The following MROH2A variants were observed in gnomAD, a reference collection of about 807,000 sequenced individuals.
MROH2A encodes maestro heat-like repeat-containing protein family member 2A.
In MROH2A, 174 loss-of-function variants were observed where a neutral mutation model predicts 200.4. That is an observed-to-expected ratio of 0.87 (90% CI 0.77 to 0.98). The LOEUF is 0.98. MROH2A is among the 50% of genes least tolerant of loss of function. The pLI, the probability that MROH2A is intolerant of heterozygous loss-of-function variation, is 0.00. For synonymous variants in MROH2A, 829 were observed against 840.4 expected (o/e 0.99, Z 0.23); for missense variants, 2,045 against 2,139.6 (o/e 0.96, Z 0.87).
Position 233,796,232 on chromosome 2 carries a change from T to C in MROH2A, c.1171T>C (p.Phe391Leu), listed in dbSNP as rs1303056684. Residue 391 changes from phenylalanine (F) to leucine (L), a missense_variant, in exon 11 of 42, where the codon TTC (phenylalanine) becomes CTC (leucine). Around this residue, in one of 3 missense-constraint regions of MROH2A, gnomAD observed 831 missense variants for 800.0 expected, o/e 1.04. Transcript: ENST00000389758. Reference protein sequence around the residue: ...RSYPKELMKFFFSQMETNKEA... With the variant: ...RSYPKELMKFLFSQMETNKEA... Reference sequence around the variant, plus strand: ...CTACCCCAAGGAGCTGATGAAGTTCTTCTTCAGCCAGATGGAGACAAACAA... The same window carrying C: ...CTACCCCAAGGAGCTGATGAAGTTCCTCTTCAGCCAGATGGAGACAAACAA... The C allele has an allele frequency of 6.5e-7, 1 of 1,549,440 alleles. No homozygotes were observed. The highest frequency in any genetic ancestry group is 2.0e-5 in the Admixed American group (1 of 50,958).
intron 3 of MROH2A, among the ~76,000 whole-genome samples, chr2:233,787,794 A>C (rs373853114): frequency 4.7e-4 from 2 of 4,262 alleles, no homozygotes; most frequent in South Asian, 8.2e-3. Flanking sequence ...TATCATATAT[A>C]ATATATATTA....
intron 27 of MROH2A, 126 bp from the exon 28 acceptor site, chr2:233,817,876 C>A: frequency 8.5e-7 from 1 of 1,177,948 alleles, no homozygotes; most frequent in Admixed American, 2.3e-5. Flanking sequence ...GGCACCCTCC[C>A]CTTCCCCAAA....
rs930294605 is a variant in MROH2A, at chr2:233,816,916, G to C, written c.2961+31G>C. 1.5e-5 allele frequency: 20 copies of C among 1,346,302 alleles called. No individual in the cohort carries two copies. In the African/African-American group the frequency reaches 2.8e-4, roughly 19 times the overall value. The allele number at this position is 1,346,302 out of a possible 1,614,324, so 83.4% of individuals were successfully genotyped here. On this transcript the variant is annotated intron_variant, in intron 27 of 41. Coordinates refer to ENST00000389758, the MANE Select transcript of MROH2A (RefSeq NM_001394639.1). Reference sequence around the variant, plus strand: ...TCCAGGAGTCCCCAGCCCCCAGCCTGCTGCTCTGACATGCACAGAAAAATT... The same window carrying C: ...TCCAGGAGTCCCCAGCCCCCAGCCTCCTGCTCTGACATGCACAGAAAAATT...
At chr2:233,779,237 A>C (rs1700812183) in intron 1 of MROH2A, 108 bp from the exon 2 acceptor site, 2 of 683,836 alleles carry the variant, frequency 2.9e-6, no homozygotes, top group Non-Finnish European at 2.6e-6. Flanking sequence ...CACAGGTTCC[A>C]CCCACACACC....
chr2:233,830,040 T>TATAGCCCTCCTCTGCCC (rs1704617284), intron 38 of MROH2A, among the ~76,000 whole-genome samples: 1 of 152,156 alleles, frequency 6.6e-6, no homozygotes, highest in East Asian at 1.9e-4. Flanking sequence ...GGTGGCTGCC[T>TATAGCCCTCCTCTGCCC]ATAGCCCTCC....
Position 233,787,406 on chromosome 2 carries a change from AAC to A in MROH2A, c.277-2067_277-2066del, listed in dbSNP as rs149271880. ...TTCATTATAAAGCATGGATATGTATAACACACACACACACACACACACACATA... is the reference window on the plus strand; with the variant it reads ...TTCATTATAAAGCATGGATATGTATAACACACACACACACACACACACATA... On this transcript the variant is annotated intron_variant, in intron 3 of 41. Coordinates refer to ENST00000389758, the MANE Select transcript of MROH2A (RefSeq NM_001394639.1). Among the ~76,000 whole-genome samples, 430 of 127,146 alleles carry A rather than the reference AAC, an allele frequency of 3.4e-3. 5 individuals are homozygous for A. Among genetic ancestry groups the A allele is most frequent in the African/African-American group, 9.3e-3 (316 of 33,860 alleles). The allele number at this position is 127,146 out of a possible 152,430, so 83.4% of individuals were successfully genotyped here. A position where few individuals can be genotyped will look rare whatever the true frequency, so the allele number is the denominator to read the frequency against.
intron 27 of MROH2A, among the ~76,000 whole-genome samples, chr2:233,817,795 C>A (rs1029926021): frequency 8.5e-5 from 13 of 152,198 alleles, no homozygotes; most frequent in South Asian, 4.1e-4. Flanking sequence ...GCCCACAGAT[C>A]CAGGCTGCTC....
At chr2:233,818,622 T>C (rs1488990232) in intron 28 of MROH2A, 30 bp from the exon 29 acceptor site, 2 of 1,420,936 alleles carry the variant, frequency 1.4e-6, no homozygotes, top group African/African-American at 2.9e-5. Flanking sequence ...TTGTCCCTGC[T>C]GGTCATTTCT....
In MROH2A at chr2:233,804,101, C is replaced by G. The variant is rs898705533; in HGVS notation, c.1800C>G (p.Leu600=). Residue 600 remains leucine, a synonymous_variant, in exon 17 of 42, where the codon CTC becomes CTG. Transcript: ENST00000389758. ...YKGEGRGIAM[L]NLLRTLSQSI... is the part of the protein sequence containing the mutation. The stretch of plus-strand genomic sequence containing the variant: ...GGGAGGGTCGTGGGATAGCCATGCT[C>G]AACCTCTTGAGGACCCTGAGCCAGA... The G allele has an allele frequency of 6.4e-7, 1 of 1,550,564 alleles. No homozygotes were observed. The highest frequency in any genetic ancestry group is 2.0e-5 in the Admixed American group (1 of 51,008).
At chr2:233,785,324 A>G (rs890580218) in intron 3 of MROH2A, among the ~76,000 whole-genome samples, 5 of 151,936 alleles carry the variant, frequency 3.3e-5, no homozygotes, top group Non-Finnish European at 5.9e-5. Flanking sequence ...TTAATTGGGT[A>G]TGGTGGCACC....
chr2:233,817,972 GT>G (rs1475306741), intron 27 of MROH2A, 29 bp from the exon 28 acceptor site: 3 of 1,550,420 alleles, frequency 1.9e-6, no homozygotes, highest in South Asian at 2.4e-5. Flanking sequence ...GAGCACAGAG[GT>G]GTGAGCCCCA....
intron 31 of MROH2A, 123 bp from the exon 32 acceptor site, chr2:233,822,001 C>T: frequency 8.1e-7 from 1 of 1,240,438 alleles, no homozygotes; most frequent in Non-Finnish European, 1.1e-6. Context: ...CCTCCGCCTC[C>T]CTGAGATTCA....
In MROH2A at chr2:233,794,431, G is replaced by A; in HGVS notation, c.891G>A (p.Arg297=). The change falls in exon 8 of 42, where the codon CGG becomes CGA. Residue 297 remains arginine, a synonymous_variant. Transcript: ENST00000389758. The stretch of plus-strand genomic sequence containing the variant: ...TCCTTCTGCCCAACGATGACCTGCG[G>A]GAGCAGGTCTACGACTACATCCCCC... ...LGLLLPNDDL[R]EQVYDYIPLL... 6.4e-7 allele frequency: 1 copy of A among 1,550,502 alleles called. No homozygotes were observed. Among genetic ancestry groups the A allele is most frequent in the South Asian group, 1.2e-5 (1 of 84,058 alleles).
chr2:233,832,599 T>A lies in MROH2A; in HGVS notation c.4858T>A (p.Ser1620Thr). 6.5e-7 allele frequency: 1 copy of A among 1,549,740 alleles called. No homozygotes were observed. The highest frequency in any genetic ancestry group is 8.7e-7 in the Non-Finnish European group (1 of 1,146,212). Reference sequence around the variant, plus strand: ...TTTAGGAATTATTATGAAGCAGATGTCTACACATTATCTGAAAAAGCTGGA... The same window carrying A: ...TTTAGGAATTATTATGAAGCAGATGACTACACATTATCTGAAAAAGCTGGA... The part of the protein sequence containing the change: ...NLAGIIMKQM[S>T]THYLKKLDFP... The change falls in exon 41 of 42, where the codon TCT (serine) becomes ACT (threonine). Residue 1620 changes from serine (S) to threonine (T), a missense_variant. By Grantham distance (58) the Ser-to-Thr change is moderately conservative. Coordinates refer to ENST00000389758, the MANE Select transcript of MROH2A (RefSeq NM_001394639.1).
At chr2:233,821,558 G>A (rs140941476) in intron 31 of MROH2A, among the ~76,000 whole-genome samples, 28 of 152,264 alleles carry the variant, frequency 1.8e-4, no homozygotes, top group East Asian at 5.8e-4. Flanking sequence ...CAGATGCCCC[G>A]CTCTCTGTGC....
intron 27 of MROH2A, 84 bp downstream of exon 27, chr2:233,816,969 C>A: frequency 1.2e-6 from 1 of 841,476 alleles, no homozygotes; most frequent in Non-Finnish European, 1.9e-6. Context: ...GATGAGGGAA[C>A]ACTTATGAAA....
intron 21 of MROH2A, among the ~76,000 whole-genome samples, chr2:233,808,446 G>C (rs982260848): frequency 3.9e-5 from 6 of 152,236 alleles, no homozygotes; most frequent in African/African-American, 1.4e-4. Context: ...TGAGCTCCTA[G>C]TGGGAAACCA....
intron 16 of MROH2A, among the ~76,000 whole-genome samples, chr2:233,803,731 A>G (rs1702617835): frequency 6.6e-6 from 1 of 152,090 alleles, no homozygotes; most frequent in African/African-American, 2.4e-5. Context: ...CCTCTGCCCA[A>G]AGCATCCCCA....
Position 233,820,888 on chromosome 2 carries a change from C to T in MROH2A, c.3512+832C>T, listed in dbSNP as rs1309135844. 6.6e-6 allele frequency among the ~76,000 whole-genome samples: 1 copy of T among 152,138 alleles called. No individual in the cohort carries two copies. The highest frequency in any genetic ancestry group is 1.5e-5 in the Non-Finnish European group (1 of 68,026). ...CTGCTTCTCATAAGGGCAGCCCTGC[C>T]GTGGGTCCAGCTGGGAGGGTGGTGC... On this transcript the variant is annotated intron_variant, in intron 31 of 41. Transcript: ENST00000389758. The surrounding 1 kb of genome is among the most constrained non-coding windows in gnomAD (Gnocchi z 4.1).
Sources: gnomAD v4.1 joint callset for allele counts (sites outside exome capture counted in the v4.1 genomes callset) on GRCh38, gnomAD v4.1.1 for gene constraint, gnomAD v4.1.1 regional missense constraint, Gnocchi (gnomAD v3.1) non-coding constraint, MANE v1.5 for transcripts, NCBI Gene and HGNC (gene_info 2026-07-23, HGNC 2026-07-21) for gene names.